The following RELN variants were observed in gnomAD, a reference collection of about 807,000 sequenced individuals.
RELN encodes reelin.
In RELN, 108 loss-of-function variants were observed where a neutral mutation model predicts 427.6. The observed-to-expected ratio is 0.25, with a 90% CI of 0.22 to 0.30. The LOEUF (loss-of-function observed/expected upper bound fraction) is 0.30. RELN is among the 10% of genes least tolerant of loss of function. The pLI is 1.00. For synonymous variants in RELN, 1,524 were observed against 1,513.4 expected, an observed-to-expected ratio of 1.01 and a Z score of -0.16; for missense variants, 3,715 against 4,302.8, an observed-to-expected ratio of 0.86 and a Z score of 3.82.
chr7:103,967,050 A>G (rs895313720), intron 1 of RELN, among the ~76,000 whole-genome samples: 2 of 152,124 alleles, frequency 1.3e-5, no homozygotes, highest in African/African-American at 4.8e-5. Context: ...TGTTCTATTA[A>G]TAGCTGACAT....
chr7:103,685,619 A>G (rs1241675249), intron 10 of RELN, among the ~76,000 whole-genome samples: 1 of 152,048 alleles, frequency 6.6e-6, no homozygotes, highest in African/African-American at 2.4e-5. Flanking sequence ...TTATTATATA[A>G]TTATAATTGT....
At chr7:103,613,458 G>A (rs1032522498) in intron 20 of RELN, among the ~76,000 whole-genome samples, 2 of 152,098 alleles carry the variant, frequency 1.3e-5, no homozygotes, top group African/African-American at 4.8e-5. Context: ...GCTGTAGAAT[G>A]CAATTTTTAG....
At chr7:103,867,237 C>T (rs749965687) in intron 2 of RELN, among the ~76,000 whole-genome samples, 5 of 151,922 alleles carry the variant, frequency 3.3e-5, no homozygotes, top group Non-Finnish European at 7.4e-5. Flanking sequence ...CTGTGCAGAG[C>T]GCAGTCAAAC....
At position 103,589,456 on chromosome 7, in the gene RELN, A is replaced by T. The variant is rs2058380; in HGVS notation, c.4145+140T>A. 0.13 allele frequency: 85,837 copies of T among 675,526 alleles called. 6,259 individuals carry two copies. Among genetic ancestry groups the T allele is most frequent in the African/African-American group, 0.25 (13,569 of 55,190 alleles). The allele number at this position is 675,526 out of a possible 1,614,324, so 41.8% of individuals were successfully genotyped here. ...TCAGATAAATCCCCTTTTAAGATAT[A>T]AATAAATGTTTTAAAAATTATTTTT... On this transcript the variant is annotated intron_variant, in intron 28 of 64. Coordinates refer to ENST00000428762, the MANE Select transcript of RELN (RefSeq NM_005045.4).
chr7:103,553,350 C>A, intron 40 of RELN, 111 bp downstream of exon 40: 1 of 794,650 alleles, frequency 1.3e-6, no homozygotes, highest in Non-Finnish European at 2.1e-6. Flanking sequence ...TACATCCTTG[C>A]ACAAAAATGG....
chr7:103,660,413 TTC>T (rs1833114371), intron 12 of RELN, among the ~76,000 whole-genome samples: 1 of 152,216 alleles, frequency 6.6e-6, no homozygotes, highest in Admixed American at 6.5e-5. Flanking sequence ...TATGCACAAT[TTC>T]TCTGTTATCA....
intron 2 of RELN, among the ~76,000 whole-genome samples, chr7:103,864,981 A>T (rs1219091323): frequency 6.6e-6 from 1 of 151,818 alleles, no homozygotes; most frequent in Non-Finnish European, 1.5e-5. Flanking sequence ...AAATATAAAA[A>T]TTAGCCAGGC....
chr7:103,955,880 G>A (rs978157795), intron 1 of RELN, among the ~76,000 whole-genome samples: 1 of 152,124 alleles, frequency 6.6e-6, no homozygotes, highest in African/African-American at 2.4e-5. Flanking sequence ...GGGTCCTGAA[G>A]CCTTGATTCA....
At chr7:103,697,306 A>T (rs545127439) in intron 10 of RELN, among the ~76,000 whole-genome samples, 2 of 152,238 alleles carry the variant, frequency 1.3e-5, no homozygotes, top group African/African-American at 2.4e-5. Context: ...TCAGCCCACA[A>T]CACAGCCTTA....
chr7:103,513,437 A>C (rs1829478350), intron 50 of RELN: 1 of 152,220 alleles, frequency 6.6e-6, no homozygotes, highest in African/African-American at 2.4e-5. Context: ...CTCTGATTGT[A>C]AACTCACTTA....
chr7:103,828,395 TGTGA>T (rs5886277), intron 3 of RELN, among the ~76,000 whole-genome samples: 103,012 of 151,278 alleles, frequency 0.68, 35,218 homozygotes, highest in East Asian at 0.85. Flanking sequence ...ATGATCCTCC[TGTGA>T]GTGATCCTTC....
chr7:103,909,048 G>A (rs930139380), intron 2 of RELN, among the ~76,000 whole-genome samples: 2 of 152,132 alleles, frequency 1.3e-5, no homozygotes, highest in African/African-American at 4.8e-5. Flanking sequence ...GTTATTCTAA[G>A]TAAAGCATTA....
At chr7:103,772,307 T>C (rs946147857) in intron 4 of RELN, among the ~76,000 whole-genome samples, 1 of 135,032 alleles carries the variant, frequency 7.4e-6, no homozygotes, top group African/African-American at 3.0e-5. Context: ...CAATAAATAG[T>C]TGTCAAATGA....
chr7:103,504,449 G>T (rs1305706478), intron 51 of RELN: 2 of 152,172 alleles, frequency 1.3e-5, no homozygotes, highest in East Asian at 3.8e-4. Flanking sequence ...AAAAGTTTCA[G>T]CTTGAGAGAC....
intron 2 of RELN, among the ~76,000 whole-genome samples, chr7:103,900,032 T>C (rs1795049279): frequency 1.3e-5 from 2 of 152,182 alleles, no homozygotes; most frequent in African/African-American, 4.8e-5. Flanking sequence ...TTGACATGAT[T>C]GTATATTTAG....
chr7:103,764,286 C>T (rs747802673), intron 4 of RELN, among the ~76,000 whole-genome samples: 1 of 152,136 alleles, frequency 6.6e-6, no homozygotes, highest in Non-Finnish European at 1.5e-5. Context: ...TTGTACCAGG[C>T]TCTTGGGAAT....
At chr7:103,916,128 A>G (rs1408996593) in intron 2 of RELN, among the ~76,000 whole-genome samples, 3 of 152,194 alleles carry the variant, frequency 2.0e-5, no homozygotes, top group Non-Finnish European at 4.4e-5. Context: ...TTGGGCAAGC[A>G]GTGACAATGC....
chr7:103,855,560 T>C (rs1793925719), intron 2 of RELN, among the ~76,000 whole-genome samples: 1 of 152,220 alleles, frequency 6.6e-6, no homozygotes, highest in African/African-American at 2.4e-5. Flanking sequence ...GAAAGGATTT[T>C]GATTTGAATT....
intron 41 of RELN, among the ~76,000 whole-genome samples, chr7:103,547,360 G>A (rs530373886): frequency 2.0e-5 from 3 of 152,268 alleles, no homozygotes; most frequent in African/African-American, 7.2e-5. Flanking sequence ...GCAGTGGCAC[G>A]ATCTTGGCTC....
Sources: allele counts gnomAD v4.1 joint callset (sites outside exome capture counted in the v4.1 genomes callset), GRCh38; gene constraint gnomAD v4.1.1; transcripts MANE v1.5; gene names NCBI Gene and HGNC (gene_info 2026-07-23, HGNC 2026-07-21).